SGCZ: variants seen among roughly 807,000 people sequenced by gnomAD.
The protein encoded by SGCZ is zeta-sarcoglycan.
A neutral mutation model predicts 41.3 loss-of-function variants in SGCZ; 40 were observed. That is an observed-to-expected ratio of 0.97 (90% CI 0.75 to 1.26). The LOEUF is 1.26. SGCZ is among the 50% of genes most tolerant of loss of function. SGCZ has a pLI of 0.00. For synonymous variants in SGCZ, 206 were observed against 137.5 expected (o/e 1.50, Z -3.49); for missense variants, 552 against 369.8 (o/e 1.49, Z -4.04).
chr8:14,442,760 T>C (rs1800309146), intron 2 of SGCZ, among the ~76,000 whole-genome samples: 1 of 152,228 alleles, frequency 6.6e-6, no homozygotes, highest in Admixed American at 6.5e-5. Context: ...CCTTAGGTTT[T>C]GGCTCTTCAT....
At chr8:14,503,256 T>C (rs1417832903) in intron 2 of SGCZ, among the ~76,000 whole-genome samples, 2 of 151,554 alleles carry the variant, frequency 1.3e-5, no homozygotes, top group East Asian at 2.0e-4. Context: ...TGAGAACATA[T>C]GGGGACAGGG....
chr8:14,801,919 C>A (rs933355616), intron 1 of SGCZ, among the ~76,000 whole-genome samples: 3 of 152,134 alleles, frequency 2.0e-5, no homozygotes, highest in Non-Finnish European at 2.9e-5. Flanking sequence ...AATCAAATCC[C>A]AATCATAGCA....
At chr8:14,907,199 C>T (rs185758804) in intron 1 of SGCZ, among the ~76,000 whole-genome samples, 8 of 152,050 alleles carry the variant, frequency 5.3e-5, no homozygotes, top group Non-Finnish European at 1.2e-4. Context: ...TACAGTTACC[C>T]ATTATTATTT....
At chr8:15,232,526 C>T (rs912664643) in intron 1 of SGCZ, among the ~76,000 whole-genome samples, 2 of 151,786 alleles carry the variant, frequency 1.3e-5, no homozygotes, top group African/African-American at 4.8e-5. Flanking sequence ...TATGTTCCCT[C>T]ATCCCTCTTA....
intron 1 of SGCZ, among the ~76,000 whole-genome samples, chr8:14,955,746 A>G (rs1800771595): frequency 6.6e-6 from 1 of 152,172 alleles, no homozygotes; most frequent in Non-Finnish European, 1.5e-5. Flanking sequence ...AGTTTTCTAA[A>G]TATTTTGGAT....
intron 2 of SGCZ, among the ~76,000 whole-genome samples, chr8:14,415,756 C>T (rs1799475675): frequency 6.6e-6 from 1 of 151,850 alleles, no homozygotes; most frequent in African/African-American, 2.4e-5. Flanking sequence ...GACTCAGATG[C>T]ACCACCTCAA....
At chr8:15,206,340 A>G (rs1025979609) in intron 1 of SGCZ, among the ~76,000 whole-genome samples, 1 of 152,190 alleles carries the variant, frequency 6.6e-6, no homozygotes, top group Non-Finnish European at 1.5e-5. Flanking sequence ...GGCACCATCA[A>G]GAACTTCAGC....
At chr8:14,859,870 C>A (rs1338788619) in intron 1 of SGCZ, among the ~76,000 whole-genome samples, 1 of 152,044 alleles carries the variant, frequency 6.6e-6, no homozygotes, top group Non-Finnish European at 1.5e-5. Context: ...TTGAATAGTG[C>A]CTGGCATATA....
At chr8:14,158,408 A>T (rs1402842144) in intron 5 of SGCZ, among the ~76,000 whole-genome samples, 1 of 152,144 alleles carries the variant, frequency 6.6e-6, no homozygotes, top group Non-Finnish European at 1.5e-5. Flanking sequence ...CTGGCAATGT[A>T]TTCCCAACAG....
At chr8:14,847,063 C>G (rs1236209613) in intron 1 of SGCZ, among the ~76,000 whole-genome samples, 1 of 147,714 alleles carries the variant, frequency 6.8e-6, no homozygotes, top group African/African-American at 2.5e-5. Context: ...CAGAGCAAGA[C>G]TTCATCTCTA....
In SGCZ at chr8:15,034,388, G is replaced by C. The variant is rs554044804; in HGVS notation, c.39+203197C>G. On this transcript the variant is annotated intron_variant, in intron 1 of 7. Coordinates refer to ENST00000382080, the MANE Select transcript of SGCZ (RefSeq NM_139167.4). The stretch of plus-strand genomic sequence containing the variant: ...AGAAAAAAGATCCTGTGAACCTGAA[G>C]GTAGGTTACTTTCAAATATAAAAAG... Among the ~76,000 whole-genome samples the C allele has an allele frequency of 2.0e-3, 308 of 151,656 alleles. 1 individual carries two copies. Among genetic ancestry groups the C allele is most frequent in the Non-Finnish European group, 3.0e-3 (206 of 67,884 alleles).
intron 3 of SGCZ, among the ~76,000 whole-genome samples, chr8:14,259,929 C>T (rs1799596705): frequency 6.6e-6 from 1 of 152,232 alleles, no homozygotes; most frequent in South Asian, 2.1e-4. Flanking sequence ...GATATTGATT[C>T]TTCCTACCCA....
chr8:14,587,078 C>G (rs1009203418), intron 1 of SGCZ, among the ~76,000 whole-genome samples: 8 of 150,090 alleles, frequency 5.3e-5, no homozygotes, highest in African/African-American at 1.7e-4. Flanking sequence ...ATTTTACAAC[C>G]AAGAGAACAA....
At chr8:14,810,382 C>T (rs1420024588) in intron 1 of SGCZ, among the ~76,000 whole-genome samples, 1 of 151,940 alleles carries the variant, frequency 6.6e-6, no homozygotes, top group Non-Finnish European at 1.5e-5. Flanking sequence ...TTCATATTAA[C>T]ATTTTTTAAG....
At chr8:15,198,112 A>G (rs1800788204) in intron 1 of SGCZ, among the ~76,000 whole-genome samples, 1 of 149,454 alleles carries the variant, frequency 6.7e-6, no homozygotes, top group South Asian at 2.1e-4. Flanking sequence ...TTAATGATAT[A>G]ATTATGTGTC....
chr8:14,989,530 C>A (rs1801935949), intron 1 of SGCZ, among the ~76,000 whole-genome samples: 1 of 151,996 alleles, frequency 6.6e-6, no homozygotes, highest in Non-Finnish European at 1.5e-5. Context: ...TTCATATGCC[C>A]TGAGAGGTCT....
chr8:14,837,333 G>C (rs982446757), intron 1 of SGCZ, among the ~76,000 whole-genome samples: 1 of 152,320 alleles, frequency 6.6e-6, no homozygotes, highest in African/African-American at 2.4e-5. Context: ...CAGGCAAAGG[G>C]AATCGCAAAT....
intron 1 of SGCZ, among the ~76,000 whole-genome samples, chr8:15,089,352 G>A (rs925141590): frequency 6.6e-6 from 1 of 152,038 alleles, no homozygotes; most frequent in East Asian, 1.9e-4. Context: ...GATTTCTCCT[G>A]TCTGACTGGG....
intron 4 of SGCZ, among the ~76,000 whole-genome samples, chr8:14,222,333 C>T (rs1399509617): frequency 6.6e-6 from 1 of 151,936 alleles, no homozygotes; most frequent in Non-Finnish European, 1.5e-5. Flanking sequence ...CCATACCCAA[C>T]TAATTTTTGT....
Sources: gnomAD v4.1 joint callset for allele counts (sites outside exome capture counted in the v4.1 genomes callset) on GRCh38, gnomAD v4.1.1 for gene constraint, MANE v1.5 for transcripts, NCBI Gene and HGNC (gene_info 2026-07-23, HGNC 2026-07-21) for gene names.